MAGI1: variants seen among roughly 807,000 people sequenced by gnomAD.
The protein encoded by MAGI1 is membrane-associated guanylate kinase, WW and PDZ domain-containing protein 1.
Under a neutral mutation model 139.9 loss-of-function variants are expected in MAGI1, and 58 were observed. The observed-to-expected ratio is 0.41, with a 90% CI of 0.34 to 0.52. The LOEUF (loss-of-function observed/expected upper bound fraction) is 0.52, where lower values mean the gene tolerates loss of function less well. MAGI1 is among the 20% of genes least tolerant of loss of function. MAGI1 has a pLI of 0.12. For synonymous variants in MAGI1, 812 were observed against 737.9 expected (o/e 1.10, Z -1.63); for missense variants, 1,874 against 1,901.6 (o/e 0.99, Z 0.27).
At chr3:65,634,228 T>A (rs946280067) in intron 1 of MAGI1, among the ~76,000 whole-genome samples, 2 of 152,124 alleles carry the variant, frequency 1.3e-5, no homozygotes, top group African/African-American at 4.8e-5. Context: ...TAGGAAATGT[T>A]CACAATCAGA....
At chr3:65,540,728 T>A (rs1170704228) in intron 2 of MAGI1, among the ~76,000 whole-genome samples, 2 of 152,190 alleles carry the variant, frequency 1.3e-5, no homozygotes, top group African/African-American at 4.8e-5. Context: ...AGGTTTTAGT[T>A]CATACACACT....
At chr3:65,715,814 C>T (rs2107667290) in intron 1 of MAGI1, among the ~76,000 whole-genome samples, 1 of 152,298 alleles carries the variant, frequency 6.6e-6, no homozygotes, top group South Asian at 2.1e-4. Flanking sequence ...AAAATTTGTG[C>T]TGCTTAAGTA....
At chr3:65,830,865 T>C (rs1021920543) in intron 1 of MAGI1, among the ~76,000 whole-genome samples, 7 of 152,154 alleles carry the variant, frequency 4.6e-5, no homozygotes, top group African/African-American at 9.7e-5. Flanking sequence ...AAAAGATTTA[T>C]AGTATTAAAC....
chr3:65,993,035 T>G (rs566821871), intron 1 of MAGI1, among the ~76,000 whole-genome samples: 1 of 152,156 alleles, frequency 6.6e-6, no homozygotes, highest in African/African-American at 2.4e-5. Context: ...CTCACTATAT[T>G]GCCCAGGGTG....
intron 2 of MAGI1, chr3:65,609,848 AT>A: frequency 4.1e-6 from 1 of 244,838 alleles, no homozygotes; most frequent in South Asian, 4.1e-5. Flanking sequence ...AAGTGTTGGG[AT>A]TATAGGCTTG....
chr3:66,035,143 C>T (rs1265706686), intron 1 of MAGI1, among the ~76,000 whole-genome samples: 2 of 152,184 alleles, frequency 1.3e-5, no homozygotes, highest in African/African-American at 2.4e-5. Context: ...CCAACTCCAA[C>T]CTGACAAAGG....
At chr3:65,519,850 C>G (rs573872409) in intron 2 of MAGI1, among the ~76,000 whole-genome samples, 10 of 152,238 alleles carry the variant, frequency 6.6e-5, no homozygotes, top group South Asian at 6.2e-4. Flanking sequence ...AATTCCACCC[C>G]CTGTGTATTT....
intron 5 of MAGI1, 31 bp from the exon 6 acceptor site, chr3:65,453,371 G>GT (rs1949162214): frequency 1.2e-4 from 99 of 810,696 alleles, no homozygotes; most frequent in Non-Finnish European, 1.5e-4. Context: ...TAAGAAATTT[G>GT]TTTGAAAAAA....
intron 2 of MAGI1, among the ~76,000 whole-genome samples, chr3:65,613,628 G>A (rs754539488): frequency 1.1e-4 from 17 of 152,036 alleles, no homozygotes; most frequent in Non-Finnish European, 2.2e-4. Flanking sequence ...TGGCAATTAG[G>A]GTTAACAACG....
chr3:65,955,744 T>C, intron 1 of MAGI1, among the ~76,000 whole-genome samples: 1 of 152,156 alleles, frequency 6.6e-6, no homozygotes, highest in South Asian at 2.1e-4. Context: ...CTGGCTGAAG[T>C]ATCAGAATGA....
chr3:65,397,453 C>A (rs1438661877), intron 13 of MAGI1, among the ~76,000 whole-genome samples: 3 of 152,112 alleles, frequency 2.0e-5, no homozygotes, highest in Non-Finnish European at 4.4e-5. Context: ...GTTGAAGAGA[C>A]TGCTTCTTCA....
At chr3:65,772,445 C>T (rs1288238975) in intron 1 of MAGI1, among the ~76,000 whole-genome samples, 1 of 152,148 alleles carries the variant, frequency 6.6e-6, no homozygotes, top group East Asian at 1.9e-4. Context: ...GGCATGGGAC[C>T]TGGGATGGCC....
intron 1 of MAGI1, among the ~76,000 whole-genome samples, chr3:65,953,895 A>C (rs1001634967): frequency 1.3e-5 from 2 of 152,232 alleles, no homozygotes; most frequent in African/African-American, 4.8e-5. Flanking sequence ...AGATAGACTC[A>C]ATAAATGTTT....
At chr3:65,979,884 A>G (rs1296836208) in intron 1 of MAGI1, among the ~76,000 whole-genome samples, 1 of 152,210 alleles carries the variant, frequency 6.6e-6, no homozygotes, top group Non-Finnish European at 1.5e-5. Flanking sequence ...TCCAATATTA[A>G]GCAGCACCCT....
intron 5 of MAGI1, among the ~76,000 whole-genome samples, chr3:65,454,574 C>CAA (rs1216582157): frequency 7.4e-6 from 1 of 135,150 alleles, no homozygotes; most frequent in African/African-American, 2.8e-5. Flanking sequence ...ACTTGTTTTA[C>CAA]AAAAAAAAAA....
chr3:65,872,590 T>C (rs1164742699), intron 1 of MAGI1, among the ~76,000 whole-genome samples: 1 of 152,046 alleles, frequency 6.6e-6, no homozygotes, highest in Admixed American at 6.6e-5. Context: ...AAGAAAGGAG[T>C]GTTTATGTCT....
intron 2 of MAGI1, among the ~76,000 whole-genome samples, chr3:65,506,389 T>C (rs889744675): frequency 6.6e-6 from 1 of 152,174 alleles, no homozygotes; most frequent in Admixed American, 6.5e-5. Flanking sequence ...GAAATGGTTA[T>C]GGAAGAAGGA....
intron 1 of MAGI1, among the ~76,000 whole-genome samples, chr3:65,824,227 C>T (rs2108266618): frequency 1.3e-5 from 2 of 152,266 alleles, no homozygotes; most frequent in Admixed American, 1.3e-4. Flanking sequence ...TTCAGGAATC[C>T]CTGCTCTGCC....
intron 1 of MAGI1, among the ~76,000 whole-genome samples, chr3:65,986,127 T>C (rs1424129646): frequency 6.6e-6 from 1 of 152,200 alleles, no homozygotes; most frequent in African/African-American, 2.4e-5. Context: ...AGCTGATTGA[T>C]CATGGTGCCT....
Sources: gnomAD v4.1 joint callset for allele counts (sites outside exome capture counted in the v4.1 genomes callset) on GRCh38, gnomAD v4.1.1 for gene constraint, MANE v1.5 for transcripts, NCBI Gene and HGNC (gene_info 2026-07-23, HGNC 2026-07-21) for gene names.